ROCK1: variants seen among roughly 807,000 people sequenced by gnomAD.
ROCK1 encodes rho-associated protein kinase 1.
ROCK1 carries 36 observed loss-of-function variants against 196.8 expected under a neutral mutation model. The observed-to-expected ratio is 0.18, with a 90% CI of 0.14 to 0.24. The LOEUF (loss-of-function observed/expected upper bound fraction) is 0.24. Among genes scored for constraint, ROCK1 ranks in the 10% least tolerant of loss-of-function variants. The probability of loss-of-function intolerance (pLI) is 1.00; values close to 1 mark genes in which losing one functional copy is unlikely to be tolerated. For missense variants in ROCK1, 920 were observed against 1,562.0 expected, an observed-to-expected ratio of 0.59 and a Z score of 6.93; for synonymous variants, 443 against 515.9, an observed-to-expected ratio of 0.86 and a Z score of 1.91.
chr18:21,004,769 T>A (rs2035754403), intron 16 of ROCK1, among the ~76,000 whole-genome samples: 1 of 152,210 alleles, frequency 6.6e-6, no homozygotes, highest in East Asian at 1.9e-4. Flanking sequence ...ATAAGCTGTA[T>A]AAAAAGGCCT....
chr18:20,983,853 G>A (rs2035555040), intron 20 of ROCK1, among the ~76,000 whole-genome samples: 1 of 152,142 alleles, frequency 6.6e-6, no homozygotes, highest in South Asian at 2.1e-4. Flanking sequence ...CTTGGCATAA[G>A]ATATATCCAC....
rs2035141124 is a variant in ROCK1 at position 20,947,587 on chromosome 18, A to C, written c.*3797T>G. 1 of 152,158 alleles carries C rather than the reference A, an allele frequency of 6.6e-6. No individual in the cohort carries two copies. The highest frequency in any genetic ancestry group is 2.4e-5 in the African/African-American group (1 of 41,436). The allele number at this position is 152,158 out of a possible 1,614,324, so 9.4% of individuals were successfully genotyped here. On this transcript the variant is annotated 3_prime_UTR_variant, in exon 33 of 33. Transcript: ENST00000399799. ...CACGGTGGCCTACACCTGTAATGAG[A>C]GAGTAAAACTGCTTGAGGCTAGGAG...
chr18:21,006,446 G>A lies in ROCK1; in HGVS notation c.1790C>T (p.Ser597Leu), dbSNP rs2035769654. ...CTGGTAATAATCTTTGTCTGTTTGT[G>A]ACTTAGAATTCTCTAAAATTCGATT... ...ERNRILENSK[S>L]QTDKDYYQLQ... The change falls in exon 16 of 33, where the codon TCA becomes TTA. Residue 597 changes from serine to leucine, a missense_variant. Ser to Leu is a moderately radical substitution (Grantham distance 145, BLOSUM62 -2). Transcript: ENST00000399799. 1 of 1,613,534 alleles carries A rather than the reference G, an allele frequency of 6.2e-7. No individual in the cohort carries two copies. The highest frequency in any genetic ancestry group is 8.5e-7 in the Non-Finnish European group (1 of 1,179,870).
intron 27 of ROCK1, among the ~76,000 whole-genome samples, chr18:20,963,962 T>C (rs914315022): frequency 1.3e-5 from 2 of 152,122 alleles, no homozygotes; most frequent in African/African-American, 4.8e-5. Flanking sequence ...TTGGGAATTT[T>C]AGAAGGGAGA....
In ROCK1 at chr18:20,950,387, G is replaced by GA. The variant is rs1454244983; in HGVS notation, c.*996dup. The stretch of plus-strand genomic sequence containing the variant: ...AACTCACTGACACACATAATTTTTT[G>GA]AAAATACATTTTTTGAAATTTCTAT... On this transcript the variant is annotated 3_prime_UTR_variant, in exon 33 of 33. Coordinates refer to ENST00000399799, the MANE Select transcript of ROCK1 (RefSeq NM_005406.3). The GA allele has an allele frequency of 2.6e-5, 4 of 152,452 alleles. No individual in the cohort carries two copies. Among genetic ancestry groups the GA allele is most frequent in the Non-Finnish European group, 5.9e-5 (4 of 67,996 alleles). 9.4% of individuals were successfully genotyped at this position (152,452 alleles called of 1,614,324 possible).
chr18:21,104,460 G>A (rs1380359442), intron 1 of ROCK1, among the ~76,000 whole-genome samples: 3 of 152,174 alleles, frequency 2.0e-5, no homozygotes, highest in African/African-American at 4.8e-5. Flanking sequence ...AGCCGGGTGC[G>A]GTGGCGGGCG....
At chr18:21,059,483 C>T (rs541701710) in intron 2 of ROCK1, among the ~76,000 whole-genome samples, 5 of 152,192 alleles carry the variant, frequency 3.3e-5, no homozygotes, top group South Asian at 2.1e-4. Context: ...TACTTGTGCT[C>T]GATGCTACTG....
chr18:20,990,291 G>A (rs1266177152), intron 18 of ROCK1, among the ~76,000 whole-genome samples: 1 of 151,974 alleles, frequency 6.6e-6, no homozygotes, highest in Non-Finnish European at 1.5e-5. Flanking sequence ...ATGAGGTCCA[G>A]AGTGGATCAT....
chr18:21,062,328 G>A (rs1174489541), intron 2 of ROCK1, among the ~76,000 whole-genome samples: 1 of 152,040 alleles, frequency 6.6e-6, no homozygotes, highest in African/African-American at 2.4e-5. Flanking sequence ...AGTAGGAGCT[G>A]GGTCCAACCT....
chr18:20,975,666 C>T (rs1488588312), intron 22 of ROCK1, among the ~76,000 whole-genome samples: 1 of 151,896 alleles, frequency 6.6e-6, no homozygotes. Flanking sequence ...GATGGAGTGC[C>T]GTGGCACCAT....
chr18:20,989,676 A>T (rs1180413200), intron 18 of ROCK1, among the ~76,000 whole-genome samples: 3 of 152,134 alleles, frequency 2.0e-5, no homozygotes, highest in African/African-American at 7.2e-5. Context: ...GGAGGTAAAA[A>T]GGTTGATATA....
intron 2 of ROCK1, among the ~76,000 whole-genome samples, chr18:21,052,365 A>T (rs1422258412): frequency 1.3e-5 from 2 of 152,208 alleles, no homozygotes; most frequent in African/African-American, 4.8e-5. Flanking sequence ...AGGACTATGT[A>T]TTCACACCTA....
At chr18:21,089,757 T>C (rs1455439755) in intron 1 of ROCK1, among the ~76,000 whole-genome samples, 2 of 152,218 alleles carry the variant, frequency 1.3e-5, no homozygotes, top group Non-Finnish European at 2.9e-5. Flanking sequence ...ATATCTCATG[T>C]AATTTATTGA....
At chr18:20,977,742 C>G (rs2035493563) in intron 22 of ROCK1, among the ~76,000 whole-genome samples, 1 of 152,174 alleles carries the variant, frequency 6.6e-6, no homozygotes, top group Admixed American at 6.5e-5. Flanking sequence ...TAATCACTTT[C>G]TCTTTCTGTT....
At chr18:20,956,492 G>A (rs2035243543) in intron 29 of ROCK1, among the ~76,000 whole-genome samples, 1 of 152,158 alleles carries the variant, frequency 6.6e-6, no homozygotes, top group African/African-American at 2.4e-5. Flanking sequence ...GTGTAGAAAA[G>A]CTCTGTGGAA....
chr18:21,109,179 T>G (rs1328823855), intron 1 of ROCK1, among the ~76,000 whole-genome samples: 1 of 152,218 alleles, frequency 6.6e-6, no homozygotes, highest in East Asian at 1.9e-4. Context: ...TGTGAAGTGT[T>G]TAGCTTTGTT....
intron 1 of ROCK1, among the ~76,000 whole-genome samples, chr18:21,089,386 A>G (rs1165656865): frequency 2.6e-5 from 4 of 152,160 alleles, no homozygotes; most frequent in Non-Finnish European, 5.9e-5. Context: ...TGGGAAGAAG[A>G]ATGGCATTAT....
At position 21,008,065 on chromosome 18, in the gene ROCK1, T is replaced by A; in HGVS notation, c.1540A>T (p.Asn514Tyr). ...QENEKRRNVE[N>Y]EVSTLKDQLE... ...AAAAGTAGTGACAATTTACCTTCATTTTCTACATTTCTTCTCTTCTCATTT... is the reference window on the plus strand; with the variant it reads ...AAAAGTAGTGACAATTTACCTTCATATTCTACATTTCTTCTCTTCTCATTT... Residue 514 changes from asparagine to tyrosine, a missense_variant, in exon 14 of 33, where the codon AAT becomes TAT. By Grantham distance (143) the Asn-to-Tyr change is moderately radical (BLOSUM62 -2). Transcript: ENST00000399799. 2 of 1,590,630 alleles carry A rather than the reference T, an allele frequency of 1.3e-6. No homozygotes were observed. Among genetic ancestry groups the A allele is most frequent in the Non-Finnish European group, 1.7e-6 (2 of 1,170,238 alleles).
chr18:20,983,655 T>C (rs1420541077), intron 20 of ROCK1, among the ~76,000 whole-genome samples: 1 of 151,940 alleles, frequency 6.6e-6, no homozygotes, highest in African/African-American at 2.4e-5. Flanking sequence ...TGAGCGAGAG[T>C]ATTTTTGGAG....
Sources: gnomAD v4.1 joint callset for allele counts (sites outside exome capture counted in the v4.1 genomes callset) on GRCh38, gnomAD v4.1.1 for gene constraint, MANE v1.5 for transcripts, NCBI Gene and HGNC (gene_info 2026-07-23, HGNC 2026-07-21) for gene names.